Variants in FOXN3 observed in about 807,000 individuals in gnomAD.
FOXN3 encodes the protein forkhead box N3.
Under a neutral mutation model 38.4 loss-of-function variants are expected in FOXN3, and 7 were observed. The observed-to-expected ratio is 0.18, with a 90% CI of 0.10 to 0.34. The LOEUF (loss-of-function observed/expected upper bound fraction) is 0.34, where lower values mean the gene tolerates loss of function less well. FOXN3 is among the 10% of genes least tolerant of loss of function. FOXN3 has a pLI of 1.00. For synonymous variants in FOXN3, 230 were observed against 242.2 expected (o/e 0.95, Z 0.47); for missense variants, 456 against 613.4 (o/e 0.74, Z 2.71).
chr14:89,332,710 T>A (rs973218283), intron 3 of FOXN3, among the ~76,000 whole-genome samples: 7 of 152,114 alleles, frequency 4.6e-5, no homozygotes, highest in Admixed American at 3.9e-4. Context: ...TGGGACTACA[T>A]CAAACTAAAA....
chr14:89,536,617 C>T (rs1015617851), intron 1 of FOXN3, among the ~76,000 whole-genome samples: 1 of 151,944 alleles, frequency 6.6e-6, no homozygotes, highest in Admixed American at 6.6e-5. Context: ...CCCGTCTCTA[C>T]TAAAAATACA....
intron 3 of FOXN3, among the ~76,000 whole-genome samples, chr14:89,311,819 C>A (rs1232681497): frequency 6.6e-6 from 1 of 152,156 alleles, no homozygotes; most frequent in Non-Finnish European, 1.5e-5. Context: ...GAGCGAGACT[C>A]CGTCTCAAAA....
intron 1 of FOXN3, among the ~76,000 whole-genome samples, chr14:89,447,814 C>CTTTTTTTTTTTTTT (rs3057950): frequency 2.2e-5 from 2 of 92,784 alleles, no homozygotes; most frequent in African/African-American, 4.2e-5. Context: ...GCCTTTCTTC[C>CTTTTTTTTTTTTTT]TTTTTTTTTT....
At chr14:89,181,053 C>T (rs1887662484) in intron 4 of FOXN3, among the ~76,000 whole-genome samples, 1 of 151,168 alleles carries the variant, frequency 6.6e-6, no homozygotes, top group Non-Finnish European at 1.5e-5. Context: ...CGTACACCTG[C>T]ACATACAGAC....
At chr14:89,268,190 C>T (rs748269955) in intron 4 of FOXN3, among the ~76,000 whole-genome samples, 9 of 152,202 alleles carry the variant, frequency 5.9e-5, no homozygotes, top group Non-Finnish European at 8.8e-5. Flanking sequence ...ATACCACCTA[C>T]CTCTCAAGAA....
chr14:89,557,777 G>A (rs1275419274), intron 1 of FOXN3, among the ~76,000 whole-genome samples: 1 of 152,126 alleles, frequency 6.6e-6, no homozygotes, highest in Non-Finnish European at 1.5e-5. Context: ...AGGCTGAGGC[G>A]GGTAGATCAC....
intron 2 of FOXN3, among the ~76,000 whole-genome samples, chr14:89,407,426 A>G (rs371968516): frequency 6.6e-6 from 1 of 152,268 alleles, no homozygotes; most frequent in South Asian, 2.1e-4. Flanking sequence ...GCAACACCAA[A>G]TAATTGTTCA....
intron 1 of FOXN3, among the ~76,000 whole-genome samples, chr14:89,529,553 T>A (rs1894510514): frequency 6.6e-6 from 1 of 152,212 alleles, no homozygotes; most frequent in Non-Finnish European, 1.5e-5. Context: ...TAGACACTAC[T>A]TTCCTCCTTT....
intron 4 of FOXN3, among the ~76,000 whole-genome samples, chr14:89,251,443 AG>A (rs1885452185): frequency 6.6e-6 from 1 of 152,258 alleles, no homozygotes; most frequent in Non-Finnish European, 1.5e-5. Flanking sequence ...TCACTGGAAA[AG>A]CACCTCGCAC....
intron 3 of FOXN3, 168 bp downstream of exon 3, chr14:89,350,504 T>C: frequency 1.9e-6 from 1 of 530,520 alleles, no homozygotes; most frequent in Non-Finnish European, 3.1e-6. Context: ...GTAAGGTTTG[T>C]AGGAAATACA....
At chr14:89,444,328 T>C (rs1174168638) in intron 1 of FOXN3, among the ~76,000 whole-genome samples, 1 of 141,640 alleles carries the variant, frequency 7.1e-6, no homozygotes, top group Non-Finnish European at 1.6e-5. Context: ...TAACTTATAT[T>C]TTCCTCTGTA....
intron 3 of FOXN3, 190 bp downstream of exon 3, chr14:89,350,482 G>A (rs888655630): frequency 2.3e-5 from 10 of 432,688 alleles, no homozygotes; most frequent in African/African-American, 1.6e-4. Context: ...TTCCTCTGAC[G>A]CTGCAGCAGC....
intron 2 of FOXN3, among the ~76,000 whole-genome samples, chr14:89,377,496 G>C (rs1390982783): frequency 2.0e-5 from 3 of 152,096 alleles, no homozygotes; most frequent in Non-Finnish European, 4.4e-5. Flanking sequence ...TTACAGGTGA[G>C]GTGCCATGAT....
At chr14:89,409,464 G>C (rs1461641371) in intron 2 of FOXN3, 1 of 152,174 alleles carries the variant, frequency 6.6e-6, no homozygotes, top group Non-Finnish European at 1.5e-5. Context: ...CCCAAGTCTC[G>C]CTGCACGCCT....
At chr14:89,256,579 A>G (rs980403773) in intron 4 of FOXN3, among the ~76,000 whole-genome samples, 12 of 152,194 alleles carry the variant, frequency 7.9e-5, no homozygotes, top group African/African-American at 2.9e-4. Context: ...TGAGCCTCTG[A>G]TGCTTGGCCC....
chr14:89,457,438 T>C (rs1892749746), intron 1 of FOXN3, among the ~76,000 whole-genome samples: 2 of 152,164 alleles, frequency 1.3e-5, no homozygotes, highest in African/African-American at 2.4e-5. Flanking sequence ...CGGAGCCTAA[T>C]GCTTAGGGAC....
rs80089832 is a variant in FOXN3 at position 89,273,042 on chromosome 14, G to A, written c.745+7908C>T. 3.8e-3 allele frequency among the ~76,000 whole-genome samples: 577 copies of A among 152,160 alleles called. 5 individuals are homozygous for A. Among genetic ancestry groups the A allele is most frequent in the Middle Eastern group, 0.01 (3 of 294 alleles). ...TCATTTCAGTGATTTCCCCAGTTTC[G>A]GACTGAGCCGCTGCTTCTTCATGGC... On this transcript the variant is annotated intron_variant, in intron 4 of 5. Transcript: ENST00000557258.
At chr14:89,615,978 A>G (rs1327279926) in intron 1 of FOXN3, among the ~76,000 whole-genome samples, 1 of 152,266 alleles carries the variant, frequency 6.6e-6, no homozygotes, top group African/African-American at 2.4e-5. Flanking sequence ...ACTGACCATT[A>G]TCAATTAAGA....
At position 89,541,402 on chromosome 14, in the gene FOXN3, C is replaced by T. The variant is rs191406760; in HGVS notation, c.-15+77626G>A. ...AACACTTTGTGGTAAAGAAGCTGGC[C>T]AAAACCCACCAAAACCAAGATGGCC... On this transcript the variant is annotated intron_variant, in intron 1 of 6. Transcript: ENST00000345097. Among the ~76,000 whole-genome samples, 12 of 152,232 alleles carry T rather than the reference C, an allele frequency of 7.9e-5. No individual in the cohort carries two copies. The East Asian group carries it at 2.3e-3, about 29-fold the overall frequency.
Sources: allele counts gnomAD v4.1 joint callset (sites outside exome capture counted in the v4.1 genomes callset), GRCh38; gene constraint gnomAD v4.1.1; transcripts MANE v1.5; gene names NCBI Gene and HGNC (gene_info 2026-07-23, HGNC 2026-07-21).